The following SLC25A24 variants were observed in gnomAD, a reference collection of about 807,000 sequenced individuals.
SLC25A24 encodes the protein solute carrier family 25 member 24.
In SLC25A24, 49 loss-of-function variants were observed where a neutral mutation model predicts 60.7. The observed-to-expected ratio is 0.81, with a 90% CI of 0.64 to 1.02. The LOEUF is 1.02. SLC25A24 is among the 50% of genes least tolerant of loss of function. The probability of loss-of-function intolerance (pLI) is 0.00; values close to 1 mark genes in which losing one functional copy is unlikely to be tolerated. For synonymous variants in SLC25A24, 202 were observed against 200.6 expected (o/e 1.01, Z -0.06); for missense variants, 564 against 586.3 (o/e 0.96, Z 0.39).
intron 4 of SLC25A24, among the ~76,000 whole-genome samples, chr1:108,158,078 CATGAT>C (rs1301294366): frequency 2.0e-5 from 3 of 152,052 alleles, no homozygotes; most frequent in Non-Finnish European, 4.4e-5. Flanking sequence ...ATATTTATAC[CATGAT>C]ATGTTTTAAA....
intron 5 of SLC25A24, among the ~76,000 whole-genome samples, chr1:108,155,474 C>T (rs1188052104): frequency 7.3e-5 from 11 of 151,654 alleles, no homozygotes; most frequent in Admixed American, 7.2e-4. Flanking sequence ...GAAACATGAA[C>T]AGGCTCAGTT....
rs140326109 is a variant in SLC25A24 at position 108,192,528 on chromosome 1, C to T, written c.184-6574G>A. 120 of 1,498,486 alleles carry T rather than the reference C, an allele frequency of 8.0e-5. 16 individuals carry two copies. In the Middle Eastern group the frequency reaches 1.3e-3, roughly 17 times the overall value. 92.8% of individuals were successfully genotyped at this position (1,498,486 alleles called of 1,614,324 possible). A position where few individuals can be genotyped will look rare whatever the true frequency, so the allele number is the denominator to read the frequency against. ...TCCTCTAGAGATTGAATGGCCCCTA[C>T]ATCCTCCAGGCCTTCCTGAAGCTCA... On this transcript the variant is annotated intron_variant, in intron 1 of 9. Coordinates refer to ENST00000565488, the MANE Select transcript of SLC25A24 (RefSeq NM_013386.5).
At chr1:108,173,553 T>A (rs1647557886) in intron 3 of SLC25A24, among the ~76,000 whole-genome samples, 1 of 152,102 alleles carries the variant, frequency 6.6e-6, no homozygotes, top group Non-Finnish European at 1.5e-5. Context: ...ACTAATACAG[T>A]AAATTGGTAC....
At chr1:108,196,016 A>G (rs1648487105) in intron 1 of SLC25A24, among the ~76,000 whole-genome samples, 1 of 147,922 alleles carries the variant, frequency 6.8e-6, no homozygotes, top group Admixed American at 6.7e-5. Context: ...AAAAAAAAAA[A>G]AGCAATATTA....
chr1:108,182,209 A>C (rs941799976), intron 2 of SLC25A24, among the ~76,000 whole-genome samples, 181 bp from the exon 3 acceptor site: 33 of 152,338 alleles, frequency 2.2e-4, no homozygotes, highest in African/African-American at 7.7e-4. Flanking sequence ...AAAATGTAAC[A>C]AATACATTAA....
intron 1 of SLC25A24, among the ~76,000 whole-genome samples, chr1:108,188,876 G>A (rs144826626): frequency 9.9e-5 from 15 of 152,254 alleles, no homozygotes; most frequent in African/African-American, 2.4e-4. Context: ...GTGAAAATCC[G>A]GGGGGAGTTA....
intron 3 of SLC25A24, among the ~76,000 whole-genome samples, chr1:108,178,163 A>AAC (rs149553000): frequency 0.027 from 4,031 of 150,140 alleles, 86 homozygotes; most frequent in East Asian, 0.1. Context: ...TCCGTCTCAA[A>AAC]AACAACAACA....
chr1:108,187,927 G>GATAGATAGATAGATATATATATAT, intron 1 of SLC25A24, among the ~76,000 whole-genome samples: 30 of 95,774 alleles, frequency 3.1e-4, no homozygotes, highest in East Asian at 1.8e-3. Flanking sequence ...AGACATTATA[G>GATAGATAGATAGATATATATATAT]ATATATATAT....
Position 108,200,279 on chromosome 1 carries a change from C to G in SLC25A24, c.-141G>C. On this transcript the variant is annotated 5_prime_UTR_variant, in exon 1 of 10. Coordinates refer to ENST00000565488, the MANE Select transcript of SLC25A24 (RefSeq NM_013386.5). The stretch of plus-strand genomic sequence containing the variant: ...TGGGGCGCCGTCGGGGTTGCGGCTG[C>G]GGCGCGCAGGGCGCAGGGCGCAGGA... 2.7e-6 allele frequency: 2 copies of G among 742,204 alleles called. No individual in the cohort carries two copies. The highest frequency in any genetic ancestry group is 1.9e-6 in the Non-Finnish European group (1 of 536,826). 46.0% of individuals were successfully genotyped at this position (742,204 alleles called of 1,614,324 possible). A position where few individuals can be genotyped will look rare whatever the true frequency, so the allele number is the denominator to read the frequency against.
chr1:108,139,916 G>A (rs1254712182), intron 8 of SLC25A24, among the ~76,000 whole-genome samples: 2 of 151,996 alleles, frequency 1.3e-5, no homozygotes, highest in Non-Finnish European at 2.9e-5. Context: ...CAGGCCCAGA[G>A]TTTTTTTAAG....
chr1:108,157,413 T>C, intron 5 of SLC25A24, 49 bp downstream of exon 5: 1 of 1,530,438 alleles, frequency 6.5e-7, no homozygotes. Flanking sequence ...CATTTCTCAT[T>C]GTTTTAGAAT....
intron 7 of SLC25A24, 56 bp from the exon 8 acceptor site, chr1:108,143,766 A>G: frequency 7.4e-7 from 1 of 1,356,174 alleles, no homozygotes; most frequent in Non-Finnish European, 1.0e-6. Flanking sequence ...TCATCATGGG[A>G]TTCAAATGAA....
chr1:108,165,448 C>T (rs950003770), intron 3 of SLC25A24, among the ~76,000 whole-genome samples: 7 of 139,056 alleles, frequency 5.0e-5, no homozygotes, highest in Non-Finnish European at 8.0e-5. Flanking sequence ...GTAGGTCACT[C>T]AGGACTTGCT....
In SLC25A24 at chr1:108,181,984, C is replaced by T; in HGVS notation, c.355G>A (p.Gly119Ser). The change falls in exon 3 of 10, where the codon GGT becomes AGT. Residue 119 changes from glycine (G) to serine (S), a missense_variant. By Grantham distance (56) the Gly-to-Ser change is moderately conservative. Coordinates refer to ENST00000565488, the MANE Select transcript of SLC25A24 (RefSeq NM_013386.5). ...SEIVQSLQTL[G>S]LTISEQQAEL... ...GCTTGTTGTTCAGAAATAGTCAGAC[C>T]CAGTGTCTGGAGAGACTGGACAATT... 1 of 1,612,774 alleles carries T rather than the reference C, an allele frequency of 6.2e-7. No homozygotes were observed. Among genetic ancestry groups the T allele is most frequent in the Non-Finnish European group, 8.5e-7 (1 of 1,179,366 alleles).
At position 108,191,100 on chromosome 1, in the gene SLC25A24, T is replaced by C. The variant is rs1441043646; in HGVS notation, c.184-5146A>G. Among the ~76,000 whole-genome samples, 2 of 140,106 alleles carry C rather than the reference T, an allele frequency of 1.4e-5. 1 individual carries two copies. The highest frequency in any genetic ancestry group is 3.1e-5 in the Non-Finnish European group (2 of 63,900). 91.9% of individuals were successfully genotyped at this position (140,106 alleles called of 152,430 possible). Reference sequence around the variant, plus strand: ...TACAACTTACACTTGCAAATCTAAATATAAGAGTGTCTTTAAACAAATATG... The same window carrying C: ...TACAACTTACACTTGCAAATCTAAACATAAGAGTGTCTTTAAACAAATATG... On this transcript the variant is annotated intron_variant, in intron 1 of 9. Coordinates refer to ENST00000565488, the MANE Select transcript of SLC25A24 (RefSeq NM_013386.5).
Position 108,200,133 on chromosome 1 carries a change from C to A in SLC25A24, c.6G>T (p.Leu2Phe), listed in dbSNP as rs1269569736. Residue 2 changes from leucine to phenylalanine, a missense_variant, in exon 1 of 10, where the codon TTG becomes TTT. Coordinates refer to ENST00000565488, the MANE Select transcript of SLC25A24 (RefSeq NM_013386.5). The part of the protein sequence containing the change: M[L>F]RWLRDFVLPT... ...GCAGCACGAAGTCCCGCAGCCAGCG[C>A]AACATGGTCCCAGAGGCGCAGGCGG... The A allele has an allele frequency of 1.3e-6, 2 of 1,551,924 alleles. No homozygotes were observed. Among genetic ancestry groups the A allele is most frequent in the Non-Finnish European group, 1.7e-6 (2 of 1,150,080 alleles).
intron 4 of SLC25A24, among the ~76,000 whole-genome samples, chr1:108,159,422 TCTTCCA>T (rs1441068486): frequency 6.6e-6 from 1 of 151,962 alleles, no homozygotes; most frequent in African/African-American, 2.4e-5. Context: ...AGGTGGTACT[TCTTCCA>T]AGTTTTCAGA....
chr1:108,161,709 C>T (rs906794868), intron 3 of SLC25A24, among the ~76,000 whole-genome samples: 1 of 152,032 alleles, frequency 6.6e-6, no homozygotes, highest in Non-Finnish European at 1.5e-5. Flanking sequence ...TTGAAATATA[C>T]TCAAAACATG....
intron 1 of SLC25A24, among the ~76,000 whole-genome samples, chr1:108,190,158 G>A (rs1483874693): frequency 1.3e-5 from 2 of 152,250 alleles, no homozygotes; most frequent in East Asian, 3.9e-4. Context: ...GCCAGGCAGA[G>A]GAGTGGGAAA....
Sources: gnomAD v4.1 joint callset for allele counts (sites outside exome capture counted in the v4.1 genomes callset) on GRCh38, gnomAD v4.1.1 for gene constraint, MANE v1.5 for transcripts, NCBI Gene and HGNC (gene_info 2026-07-23, HGNC 2026-07-21) for gene names.